The following HOXD3 variants were observed in gnomAD, a reference collection of about 807,000 sequenced individuals.
HOXD3 encodes the protein homeobox protein Hox-D3.
In HOXD3, 13 loss-of-function variants were observed where a neutral mutation model predicts 32.8. That is an observed-to-expected ratio of 0.40 (90% CI 0.26 to 0.63). The LOEUF (loss-of-function observed/expected upper bound fraction) is 0.63. Among genes scored for constraint, HOXD3 ranks in the 20% least tolerant of loss-of-function variants. The probability of loss-of-function intolerance (pLI) is 0.44; values close to 1 mark genes in which losing one functional copy is unlikely to be tolerated. For synonymous variants in HOXD3, 241 were observed against 246.8 expected (o/e 0.98, Z 0.22); for missense variants, 504 against 577.1 (o/e 0.87, Z 1.30).
rs1691228066 is a variant in HOXD3 at position 176,172,408 on chromosome 2, G to A, written c.*134G>A. ...CCTGCCGCCGCCTCCCGGGTCTCAG[G>A]CCTCCAGCGGCGGAGGCGCAGGCGA... On this transcript the variant is annotated 3_prime_UTR_variant, in exon 4 of 4. Transcript: ENST00000683222. The A allele has an allele frequency of 1.1e-6, 1 of 889,266 alleles. No homozygotes were observed. The highest frequency in any genetic ancestry group is 3.1e-5 in the Admixed American group (1 of 31,848). The allele number at this position is 889,266 out of a possible 1,614,324, so 55.1% of individuals were successfully genotyped here.
At chr2:176,163,858 C>A (rs974802649) in intron 1 of HOXD3, among the ~76,000 whole-genome samples, 5 of 152,192 alleles carry the variant, frequency 3.3e-5, no homozygotes, top group African/African-American at 1.2e-4. Context: ...TCCCCTCCCC[C>A]ATCCAGCCAT....
chr2:176,156,167 GC>G (rs1324964155), upstream of HOXD3, among the ~76,000 whole-genome samples: 2 of 152,128 alleles, frequency 1.3e-5, no homozygotes, highest in East Asian at 3.9e-4. Flanking sequence ...ATTATTTTCT[GC>G]AATAAATTAG....
chr2:176,159,491 T>C (rs1267151928), intron 1 of HOXD3, among the ~76,000 whole-genome samples: 1 of 152,320 alleles, frequency 6.6e-6, no homozygotes, highest in East Asian at 1.9e-4. Flanking sequence ...CTGTGCCTGA[T>C]GCCGCTGAGC....
At chr2:176,158,214 G>T (rs901957910) in intron 1 of HOXD3, among the ~76,000 whole-genome samples, 1 of 152,216 alleles carries the variant, frequency 6.6e-6, no homozygotes, top group African/African-American at 2.4e-5. Context: ...AGAAGTCCCT[G>T]CAGCCCGAGT....
upstream of HOXD3, among the ~76,000 whole-genome samples, chr2:176,156,508 A>G (rs1690647020): frequency 6.6e-6 from 1 of 152,168 alleles, no homozygotes; most frequent in South Asian, 2.1e-4. Flanking sequence ...CCCCTAAGGC[A>G]GGGAGAGCGT....
chr2:176,157,915 T>C (rs1475681987), intron 1 of HOXD3, among the ~76,000 whole-genome samples: 2 of 152,268 alleles, frequency 1.3e-5, no homozygotes, highest in Non-Finnish European at 2.9e-5. Context: ...TCACGGCATC[T>C]GCCGCCTATT....
chr2:176,157,204 G>A (rs1690666490), upstream of HOXD3, among the ~76,000 whole-genome samples: 1 of 152,132 alleles, frequency 6.6e-6, no homozygotes, highest in African/African-American at 2.4e-5. Context: ...TTCATAACCC[G>A]GAGAATTTTC....
Position 176,172,021 on chromosome 2 carries a change from C to A in HOXD3, c.1046C>A (p.Ala349Asp), listed in dbSNP as rs758116983. 6.2e-7 allele frequency: 1 copy of A among 1,607,358 alleles called. No homozygotes were observed. The highest frequency in any genetic ancestry group is 1.3e-5 in the African/African-American group (1 of 74,900). ...MASNGGGFAS[A>D]NLQGSPVYVG... Reference sequence around the variant, plus strand: ...AGCAACGGCGGCGGCTTCGCCAGCGCCAACTTGCAGGGCAGCCCGGTGTAC... The same window carrying A: ...AGCAACGGCGGCGGCTTCGCCAGCGACAACTTGCAGGGCAGCCCGGTGTAC... The change falls in exon 4 of 4, where the codon GCC becomes GAC. Residue 349 changes from alanine (A) to aspartate (D), a missense_variant. Physicochemically the swap from Ala to Asp is moderately radical, Grantham distance 126. This residue lies in a region of HOXD3 where 226 missense variants were observed against 246.9 expected (regional missense o/e 0.92). Coordinates refer to ENST00000683222, the MANE Select transcript of HOXD3 (RefSeq NM_006898.5).
Position 176,172,231 on chromosome 2 carries a change from C to T in HOXD3, c.1256C>T (p.Ser419Phe), listed in dbSNP as rs916988569. Residue 419 changes from serine (S) to phenylalanine (F), a missense_variant, in exon 4 of 4, where the codon TCT becomes TTT. By Grantham distance (155) the Ser-to-Phe change is radical (BLOSUM62 -2). Coordinates refer to ENST00000683222, the MANE Select transcript of HOXD3 (RefSeq NM_006898.5). ...ACAGATCTCTCGGCCCACCACTCGT[C>T]TCAGGGACGACTGCCGGAGGCTCCC... ...TYTDLSAHHS[S>F]QGRLPEAPKL... 1.7e-5 allele frequency: 28 copies of T among 1,609,178 alleles called. No individual in the cohort carries two copies. Among genetic ancestry groups the T allele is most frequent in the Non-Finnish European group, 2.3e-5 (27 of 1,179,620 alleles).
chr2:176,171,812 C>A lies in HOXD3; in HGVS notation c.837C>A (p.His279Gln), dbSNP rs141288498. 8 of 1,611,698 alleles carry A rather than the reference C, an allele frequency of 5.0e-6. No individual in the cohort carries two copies. The African/African-American group carries it at 1.1e-4, about 22-fold the overall frequency. Reference protein sequence around the residue: ...RSPPLGGAAGHVAYSGQLPPV... With the variant: ...RSPPLGGAAGQVAYSGQLPPV... Reference sequence around the variant, plus strand: ...CACCGCTCGGCGGCGCCGCTGGCCACGTGGCCTACTCCGGCCAGCTGCCGC... The same window carrying A: ...CACCGCTCGGCGGCGCCGCTGGCCAAGTGGCCTACTCCGGCCAGCTGCCGC... Residue 279 changes from histidine to glutamine, a missense_variant, in exon 4 of 4, where the codon CAC (histidine) becomes CAA (glutamine). Physicochemically the swap from His to Gln is conservative, Grantham distance 24. Around this residue, in one of 3 missense-constraint regions of HOXD3, gnomAD observed 226 missense variants for 246.9 expected, o/e 0.92. Coordinates refer to ENST00000683222, the MANE Select transcript of HOXD3 (RefSeq NM_006898.5).
rs150755858 is a variant in HOXD3, at chr2:176,160,292, A to G, written c.-181+2840A>G. Reference sequence around the variant, plus strand: ...CAGTCTCCAGAGACGCTTCTAAGAGAGGCAGTTTCTAAAATTTCCAGCTCC... The same window carrying G: ...CAGTCTCCAGAGACGCTTCTAAGAGGGGCAGTTTCTAAAATTTCCAGCTCC... On this transcript the variant is annotated intron_variant, in intron 1 of 3. Transcript: ENST00000683222. Among the ~76,000 whole-genome samples, 13 of 152,222 alleles carry G rather than the reference A, an allele frequency of 8.5e-5. No individual in the cohort carries two copies. The East Asian group carries it at 2.5e-3, about 30-fold the overall frequency.
upstream of HOXD3, among the ~76,000 whole-genome samples, chr2:176,156,284 C>A (rs1690642045): frequency 6.6e-6 from 1 of 152,146 alleles, no homozygotes; most frequent in African/African-American, 2.4e-5. Context: ...CAGTTGGCCA[C>A]CATATTTTGT....
At chr2:176,165,769 T>C (rs1478716231) in intron 2 of HOXD3, 2 of 152,044 alleles carry the variant, frequency 1.3e-5, no homozygotes, top group African/African-American at 4.8e-5. Context: ...CCAAGACATT[T>C]GGGTCTTGGA....
At chr2:176,157,829 C>G (rs1690681405) in intron 1 of HOXD3, among the ~76,000 whole-genome samples, 1 of 152,066 alleles carries the variant, frequency 6.6e-6, no homozygotes, top group South Asian at 2.1e-4. Context: ...AAAACCGGCC[C>G]GGCTGGCGGA....
At chr2:176,166,273 C>A (rs1242563910) in intron 2 of HOXD3, among the ~76,000 whole-genome samples, 1 of 152,206 alleles carries the variant, frequency 6.6e-6, no homozygotes, top group Non-Finnish European at 1.5e-5. Flanking sequence ...ATAAAGCCAT[C>A]TGTCCCAGAA....
upstream of HOXD3, among the ~76,000 whole-genome samples, chr2:176,155,894 CT>C (rs1483627220): frequency 1.3e-5 from 2 of 152,116 alleles, no homozygotes; most frequent in African/African-American, 4.8e-5. Context: ...CCATCGCAGC[CT>C]TTTGTTGGGA....
At chr2:176,164,605 T>A (rs1179586147) in intron 2 of HOXD3, 1 of 152,090 alleles carries the variant, frequency 6.6e-6, no homozygotes, top group African/African-American at 2.4e-5. Flanking sequence ...AGTGAATTCG[T>A]GGGGATGCTC....
chr2:176,152,661 C>A (rs767847815), upstream of HOXD3: 85 of 1,614,036 alleles, frequency 5.3e-5, no homozygotes, highest in Non-Finnish European at 5.0e-5. The surrounding 1 kb of genome is among the most constrained non-coding windows in gnomAD (Gnocchi z 5.2). Flanking sequence ...GGCCTACACC[C>A]GGCAGCAAGT....
At position 176,169,626 on chromosome 2, in the gene HOXD3, C is replaced by A. The variant is rs773514176; in HGVS notation, c.512C>A (p.Ser171Tyr). 10 of 1,607,584 alleles carry A rather than the reference C, an allele frequency of 6.2e-6. No individual in the cohort carries two copies. The highest frequency in any genetic ancestry group is 1.7e-5 in the Admixed American group (1 of 59,668). ...FPWMKESRQN[S>Y]KQKNSCATAG... The stretch of plus-strand genomic sequence containing the variant: ...TGGATGAAAGAGTCTCGACAGAACT[C>A]CAAGCAGAAGAACAGCTGTGCCACT... Residue 171 changes from serine to tyrosine, a missense_variant, in exon 3 of 4, where the codon TCC (serine) becomes TAC (tyrosine). By Grantham distance (144) the Ser-to-Tyr change is moderately radical (BLOSUM62 -2). This residue lies in a region of HOXD3 where 97 missense variants were observed against 158.0 expected (regional missense o/e 0.61). Transcript: ENST00000683222.
Sources: allele counts gnomAD v4.1 joint callset (sites outside exome capture counted in the v4.1 genomes callset), GRCh38; gene constraint gnomAD v4.1.1; regional missense constraint gnomAD v4.1.1; non-coding constraint Gnocchi (gnomAD v3.1); transcripts MANE v1.5; gene names NCBI Gene and HGNC (gene_info 2026-07-23, HGNC 2026-07-21).